The following HEG1 variants were observed in gnomAD, a reference collection of about 807,000 sequenced individuals.
HEG1 encodes protein HEG homolog 1.
A neutral mutation model predicts 125.6 loss-of-function variants in HEG1; 56 were observed. The observed-to-expected ratio is 0.45, with a 90% CI of 0.36 to 0.56. HEG1 has a LOEUF of 0.56. Among genes scored for constraint, HEG1 ranks in the 20% least tolerant of loss-of-function variants. The pLI, the probability that HEG1 is intolerant of heterozygous loss-of-function variation, is 0.00. For synonymous variants in HEG1, 644 were observed against 668.5 expected (o/e 0.96, Z 0.57); for missense variants, 1,523 against 1,670.0 (o/e 0.91, Z 1.53).
intron 14 of HEG1, among the ~76,000 whole-genome samples, chr3:124,979,466 T>C (rs947605434): frequency 2.6e-5 from 4 of 152,184 alleles, no homozygotes; most frequent in East Asian, 1.9e-4. Context: ...AGCAAGTACA[T>C]ATCATATGTA....
chr3:125,055,974 C>A lies in HEG1; in HGVS notation c.-84G>T. 1 of 375,514 alleles carries A rather than the reference C, an allele frequency of 2.7e-6. No homozygotes were observed. The highest frequency in any genetic ancestry group is 3.6e-6 in the Non-Finnish European group (1 of 275,442). 23.3% of individuals were successfully genotyped at this position (375,514 alleles called of 1,614,324 possible). The stretch of plus-strand genomic sequence containing the variant: ...CGGGCAGCGGGCGGCGGGGGCCGCG[C>A]GGGGCCGGGGAAGTGAGCGGAGTGA... On this transcript the variant is annotated 5_prime_UTR_variant, in exon 1 of 17. Transcript: ENST00000311127.
intron 3 of HEG1, among the ~76,000 whole-genome samples, chr3:125,021,398 T>A (rs1162507454): frequency 2.6e-5 from 4 of 152,076 alleles, no homozygotes; most frequent in Non-Finnish European, 5.9e-5. Flanking sequence ...GTTGTTTGCA[T>A]TATTTGTTTT....
chr3:125,031,756 G>A (rs1427012696), intron 1 of HEG1, among the ~76,000 whole-genome samples: 2 of 147,976 alleles, frequency 1.4e-5, no homozygotes, highest in Non-Finnish European at 1.5e-5. Context: ...ACATACACAT[G>A]CACACATACA....
chr3:125,000,250 C>A (rs555534270), intron 11 of HEG1, among the ~76,000 whole-genome samples: 1 of 152,134 alleles, frequency 6.6e-6, no homozygotes, highest in Non-Finnish European at 1.5e-5. Flanking sequence ...TACAAGCAGT[C>A]GGAAGAATGG....
chr3:125,012,755 G>A lies in HEG1; in HGVS notation c.2824C>T (p.Arg942Cys), dbSNP rs770035117. The part of the protein sequence containing the change: ...GVTAEYSPAS[R>C]SLGTSPSPQT... Reference sequence around the variant, plus strand: ...GGAGAAGGAGATGTTCCGAGGGAACGTGAAGCTGGGCTGTACTCTGCTGTA... The same window carrying A: ...GGAGAAGGAGATGTTCCGAGGGAACATGAAGCTGGGCTGTACTCTGCTGTA... The change falls in exon 6 of 17, where the codon CGT becomes TGT. Residue 942 changes from arginine to cysteine, a missense_variant. By Grantham distance (180) the Arg-to-Cys change is radical. Transcript: ENST00000311127. The A allele has an allele frequency of 4.5e-5, 73 of 1,613,944 alleles. No homozygotes were observed. Among genetic ancestry groups the A allele is most frequent in the Non-Finnish European group, 5.8e-5 (68 of 1,179,910 alleles).
In HEG1 at chr3:125,010,422, G is replaced by A. The variant is rs189839170; in HGVS notation, c.3073+17C>T. ...GGTACTGTGGTGCAGACCACTGGGC[G>A]TTACTTTTTCTCTTACCCACACTGC... On this transcript the variant is annotated intron_variant, in intron 7 of 16. Coordinates refer to ENST00000311127, the MANE Select transcript of HEG1 (RefSeq NM_020733.2). 1.8e-4 allele frequency: 266 copies of A among 1,504,922 alleles called. No individual in the cohort carries two copies. In the African/African-American group the frequency reaches 3.3e-3, roughly 19 times the overall value. The allele number at this position is 1,504,922 out of a possible 1,614,324, so 93.2% of individuals were successfully genotyped here.
At position 124,973,746 on chromosome 3, in the gene HEG1, C is replaced by T. The variant is rs376045429; in HGVS notation, c.3981G>A (p.Thr1327=). ...GAATACACACCGAGTAGTACACATCCGTCATCTGGAGGAGGTTTTTGGTAC... is the reference window on the plus strand; with the variant it reads ...GAATACACACCGAGTAGTACACATCTGTCATCTGGAGGAGGTTTTTGGTAC... ...NGSTKNLLQM[T]DVYYSPTSVR... The change falls in exon 16 of 17, where the codon ACG becomes ACA. Residue 1327 remains threonine (T), a synonymous_variant. Coordinates refer to ENST00000311127, the MANE Select transcript of HEG1 (RefSeq NM_020733.2). The T allele has an allele frequency of 5.1e-5, 82 of 1,613,622 alleles. No individual in the cohort carries two copies. Among genetic ancestry groups the T allele is most frequent in the South Asian group, 1.4e-4 (13 of 91,010 alleles).
chr3:124,994,897 C>T (rs530250923), intron 12 of HEG1, among the ~76,000 whole-genome samples: 2 of 152,196 alleles, frequency 1.3e-5, no homozygotes, highest in Non-Finnish European at 2.9e-5. Flanking sequence ...CCTTATCATC[C>T]ACTCGTTCAT....
chr3:124,999,220 C>T (rs1301502016), intron 11 of HEG1, among the ~76,000 whole-genome samples: 1 of 152,218 alleles, frequency 6.6e-6, no homozygotes, highest in African/African-American at 2.4e-5. Flanking sequence ...TCAGTGGAAG[C>T]TAGCGTGCTC....
In HEG1 at chr3:124,970,290, C is replaced by T. The variant is rs754298879; in HGVS notation, c.*362G>A. On this transcript the variant is annotated 3_prime_UTR_variant, in exon 17 of 17. Coordinates refer to ENST00000311127, the MANE Select transcript of HEG1 (RefSeq NM_020733.2). ...TCAAAACAGATCCAAAAGGAAACCT[C>T]CCACCCAATTTACTAAAGTGCAAAC... The T allele has an allele frequency of 7.1e-5, 13 of 183,428 alleles. No individual in the cohort carries two copies. The South Asian group carries it at 1.9e-3, about 26-fold the overall frequency. 11.4% of individuals were successfully genotyped at this position (183,428 alleles called of 1,614,324 possible). A position where few individuals can be genotyped will look rare whatever the true frequency, so the allele number is the denominator to read the frequency against.
chr3:125,013,058 T>A lies in HEG1; in HGVS notation c.2521A>T (p.Thr841Ser). Residue 841 changes from threonine (T) to serine (S), a missense_variant, in exon 6 of 17, where the codon ACT (threonine) becomes TCT (serine). Thr to Ser is a moderately conservative substitution (Grantham distance 58). Coordinates refer to ENST00000311127, the MANE Select transcript of HEG1 (RefSeq NM_020733.2). ...GTCTTCAGAATGGTAGTTGTGAAAG[T>A]TGGAGACATTTGTGCTAAGTTGGTG... ...TSTNLAQMSP[T>S]FTTTILKTSQ... 6.2e-7 allele frequency: 1 copy of A among 1,613,976 alleles called. No homozygotes were observed. Among genetic ancestry groups the A allele is most frequent in the African/African-American group, 1.3e-5 (1 of 75,024 alleles).
chr3:125,007,198 CAAAAAAAAAAAA>C (rs1212172102), intron 8 of HEG1, among the ~76,000 whole-genome samples: 2 of 54,708 alleles, frequency 3.7e-5, no homozygotes, highest in African/African-American at 1.3e-4. Flanking sequence ...GACTCCGTCT[CAAAAAAAAAAAA>C]AAAAAAAAAA....
At chr3:125,041,685 T>C (rs1466058652) in intron 1 of HEG1, among the ~76,000 whole-genome samples, 1 of 152,158 alleles carries the variant, frequency 6.6e-6, no homozygotes, top group East Asian at 1.9e-4. Context: ...AGCTAAAAGA[T>C]GAAAGCAACC....
chr3:125,040,107 G>T (rs116635446), intron 1 of HEG1, among the ~76,000 whole-genome samples: 1,683 of 152,236 alleles, frequency 0.011, 23 homozygotes, highest in African/African-American at 0.038. Flanking sequence ...CCATAACGGA[G>T]AATGAGCTTG....
chr3:125,027,155 T>C (rs966505901), intron 3 of HEG1, 50 bp downstream of exon 3: 5 of 1,465,174 alleles, frequency 3.4e-6, no homozygotes, highest in Admixed American at 2.3e-5. Context: ...CATTGATTTA[T>C]GTCTACTTTG....
At chr3:125,006,870 C>T (rs1440284728) in intron 8 of HEG1, among the ~76,000 whole-genome samples, 10 of 152,214 alleles carry the variant, frequency 6.6e-5, no homozygotes, top group Admixed American at 5.9e-4. Context: ...TCTCATCTCA[C>T]GTGTCTAGGC....
chr3:125,022,278 TGTTA>T, intron 3 of HEG1, among the ~76,000 whole-genome samples: 1 of 152,126 alleles, frequency 6.6e-6, no homozygotes, highest in Non-Finnish European at 1.5e-5. Flanking sequence ...GGCTTTGAGC[TGTTA>T]ATTATGGCCT....
At chr3:124,974,833 G>A (rs59465075) in intron 15 of HEG1, among the ~76,000 whole-genome samples, 53,660 of 152,072 alleles carry the variant, frequency 0.35, 10,363 homozygotes, top group African/African-American at 0.51. Context: ...CTTAGGTGCT[G>A]GCTCTTTGTG....
chr3:124,974,047 ATTG>A (rs1936492903), intron 15 of HEG1, 142 bp from the exon 16 acceptor site: 2 of 611,204 alleles, frequency 3.3e-6, no homozygotes, highest in South Asian at 4.6e-5. Flanking sequence ...TAGTATTATT[ATTG>A]TTGTTATTTG....
Sources: allele counts gnomAD v4.1 joint callset (sites outside exome capture counted in the v4.1 genomes callset), GRCh38; gene constraint gnomAD v4.1.1; transcripts MANE v1.5; gene names NCBI Gene and HGNC (gene_info 2026-07-23, HGNC 2026-07-21).